The following DENND1A variants were observed in gnomAD, a reference collection of about 807,000 sequenced individuals.
The protein encoded by DENND1A is DENN domain containing 1A, also known as DENN domain-containing protein 1A.
In DENND1A, 51 loss-of-function variants were observed where a neutral mutation model predicts 113.7. The ratio of observed to expected loss-of-function variants is 0.45; its 90% CI spans 0.36 to 0.57. The LOEUF is 0.57. Ranked by LOEUF, DENND1A falls within the 20% of genes least tolerant of loss-of-function variation. DENND1A has a pLI of 0.00. For synonymous variants in DENND1A, 565 were observed against 570.8 expected (o/e 0.99, Z 0.14); for missense variants, 1,258 against 1,395.9 (o/e 0.90, Z 1.57).
intron 21 of DENND1A, among the ~76,000 whole-genome samples, chr9:123,402,260 A>ACGCG (rs66507006): frequency 2.0e-5 from 3 of 151,704 alleles, no homozygotes; most frequent in African/African-American, 7.3e-5. Flanking sequence ...ACACACACAC[A>ACGCG]CACGCACGCA....
At chr9:123,793,717 G>A (rs1377192891) in intron 2 of DENND1A, among the ~76,000 whole-genome samples, 3 of 151,824 alleles carry the variant, frequency 2.0e-5, no homozygotes, top group African/African-American at 7.3e-5. Flanking sequence ...AATCAAGAAG[G>A]GAAAAAACTA....
chr9:123,566,420 G>A (rs1312225553), intron 12 of DENND1A, among the ~76,000 whole-genome samples: 2 of 152,060 alleles, frequency 1.3e-5, no homozygotes, highest in Admixed American at 6.5e-5. Flanking sequence ...ATGACCCTAC[G>A]AGCCCGGGTC....
chr9:123,700,027 T>G (rs940421176), intron 5 of DENND1A, among the ~76,000 whole-genome samples: 2 of 152,156 alleles, frequency 1.3e-5, no homozygotes, highest in African/African-American at 2.4e-5. Flanking sequence ...AGACTACCCT[T>G]TGAATTACCT....
intron 13 of DENND1A, among the ~76,000 whole-genome samples, chr9:123,548,685 G>A (rs902328415): frequency 6.6e-6 from 1 of 152,164 alleles, no homozygotes; most frequent in Non-Finnish European, 1.5e-5. Context: ...ACAAGTGAGT[G>A]GATAAACAAA....
intron 5 of DENND1A, among the ~76,000 whole-genome samples, chr9:123,708,718 A>C (rs192036523): frequency 9.0e-4 from 137 of 152,288 alleles, no homozygotes; most frequent in Non-Finnish European, 1.7e-3. Flanking sequence ...CAGGGGGAGT[A>C]GGATGAGCAA....
At position 123,457,429 on chromosome 9, in the gene DENND1A, C is replaced by A; in HGVS notation, c.1105G>T (p.Asp369Tyr). The A allele has an allele frequency of 5.0e-6, 8 of 1,613,074 alleles. No homozygotes were observed. The highest frequency in any genetic ancestry group is 5.9e-6 in the Non-Finnish European group (7 of 1,179,208). The change falls in exon 15 of 24, where the codon GAT becomes TAT. Residue 369 changes from aspartate (D) to tyrosine (Y), a missense_variant. Physicochemically the swap from Asp to Tyr is radical, Grantham distance 160 (BLOSUM62 -3). Transcript: ENST00000394215. Reference protein sequence around the residue: ...TQLQLFKQFIDGRLDLLNSGE... With the variant: ...TQLQLFKQFIYGRLDLLNSGE... ...GAATTGAGAAGATCTAATCGACCAT[C>A]AATAAACTATAGAAAGAAGGAACAA...
intron 2 of DENND1A, among the ~76,000 whole-genome samples, chr9:123,871,900 C>T (rs967772764): frequency 3.9e-5 from 6 of 152,140 alleles, no homozygotes; most frequent in Admixed American, 2.0e-4. Flanking sequence ...GAAGAGTGCC[C>T]GCTGCAGGCT....
At chr9:123,389,436 G>T (rs1201324836) in intron 21 of DENND1A, among the ~76,000 whole-genome samples, 1 of 152,210 alleles carries the variant, frequency 6.6e-6, no homozygotes. Context: ...ACTCGAGGGG[G>T]CTCTGGTCCA....
intron 5 of DENND1A, among the ~76,000 whole-genome samples, chr9:123,684,950 T>C (rs1467836502): frequency 6.6e-6 from 1 of 152,102 alleles, no homozygotes; most frequent in South Asian, 2.1e-4. Flanking sequence ...ACAGAAGAGA[T>C]TCTAGAAAGT....
chr9:123,397,532 A>G (rs1346077326), intron 21 of DENND1A, among the ~76,000 whole-genome samples: 4 of 152,246 alleles, frequency 2.6e-5, no homozygotes, highest in Non-Finnish European at 5.9e-5. Context: ...TATGAGGGCA[A>G]TAGTTAGGCA....
At chr9:123,695,219 T>C (rs1238611862) in intron 5 of DENND1A, among the ~76,000 whole-genome samples, 1 of 152,006 alleles carries the variant, frequency 6.6e-6, no homozygotes, top group East Asian at 1.9e-4. Flanking sequence ...CATATATATA[T>C]ATATGGAGAA....
Position 123,757,786 on chromosome 9 carries a change from G to A in DENND1A, c.219C>T (p.Phe73=), listed in dbSNP as rs114466051. 9.9e-6 allele frequency: 16 copies of A among 1,614,044 alleles called. No individual in the cohort carries two copies. Among genetic ancestry groups the A allele is most frequent in the South Asian group, 2.2e-5 (2 of 91,082 alleles). The change falls in exon 5 of 24, where the codon TTC becomes TTT. Residue 73 remains phenylalanine, a synonymous_variant. Coordinates refer to ENST00000394215, the MANE Select transcript of DENND1A (RefSeq NM_001352964.2). ...TVSQVGQNFT[F]VLTDIDSKQR... ...GTTTGCTGTCAATGTCAGTGAGCAC[G>A]AATGTGAAGTTCTGGCCAACTTGGC...
intron 19 of DENND1A, chr9:123,414,607 C>T: frequency 1.3e-6 from 2 of 1,550,386 alleles, no homozygotes; most frequent in Non-Finnish European, 1.7e-6. Context: ...ATAGCAAAGG[C>T]TGGTGAGTCT....
intron 13 of DENND1A, among the ~76,000 whole-genome samples, chr9:123,502,059 C>T (rs1480622568): frequency 6.6e-6 from 1 of 152,104 alleles, no homozygotes; most frequent in Non-Finnish European, 1.5e-5. Context: ...ATCTCTATCT[C>T]CTATTAGTTC....
intron 21 of DENND1A, among the ~76,000 whole-genome samples, chr9:123,392,873 C>T (rs941081389): frequency 3.3e-5 from 5 of 152,158 alleles, no homozygotes; most frequent in Admixed American, 6.5e-5. Flanking sequence ...CCTTTGCATC[C>T]TCAAAGCTTA....
intron 5 of DENND1A, among the ~76,000 whole-genome samples, chr9:123,755,776 CTTCCT>C (rs1311483774): frequency 6.6e-6 from 1 of 152,170 alleles, no homozygotes; most frequent in Non-Finnish European, 1.5e-5. Flanking sequence ...TAACTTTTCC[CTTCCT>C]TAATTATTGT....
At chr9:123,774,911 C>G (rs192970525) in intron 3 of DENND1A, among the ~76,000 whole-genome samples, 1 of 152,258 alleles carries the variant, frequency 6.6e-6, no homozygotes, top group African/African-American at 2.4e-5. Context: ...AGGCTTTCAA[C>G]AGTGAAAGAG....
intron 13 of DENND1A, among the ~76,000 whole-genome samples, chr9:123,514,050 A>G (rs2053665777): frequency 6.9e-6 from 1 of 144,796 alleles, no homozygotes; most frequent in Admixed American, 6.9e-5. Context: ...TGGGCAAGGT[A>G]GGGTTCTATT....
intron 4 of DENND1A, among the ~76,000 whole-genome samples, chr9:123,763,315 G>A (rs2071202836): frequency 6.6e-6 from 1 of 152,062 alleles, no homozygotes; most frequent in Admixed American, 6.5e-5. Context: ...GGAGAGGGAT[G>A]GATAGTTCAA....
Sources: allele counts gnomAD v4.1 joint callset (sites outside exome capture counted in the v4.1 genomes callset), GRCh38; gene constraint gnomAD v4.1.1; transcripts MANE v1.5; gene names NCBI Gene and HGNC (gene_info 2026-07-23, HGNC 2026-07-21).